The following PPFIA2 variants were observed in gnomAD, a reference collection of about 807,000 sequenced individuals.
PPFIA2 encodes the protein PPFI scaffold protein A2, also known as liprin-alpha-2.
A neutral mutation model predicts 175.5 loss-of-function variants in PPFIA2; 46 were observed. The observed-to-expected ratio is 0.26, with a 90% confidence interval of 0.21 to 0.34. PPFIA2 has a LOEUF of 0.34. PPFIA2 is among the 10% of genes least tolerant of loss of function. PPFIA2 has a pLI of 1.00. For missense variants in PPFIA2, 1,179 were observed against 1,506.1 expected (o/e 0.78, Z 3.60); for synonymous variants, 568 against 511.4 (o/e 1.11, Z -1.49).
In PPFIA2 at chr12:81,284,518, G is replaced by T. The variant is rs929329008; in HGVS notation, c.2926-215C>A. The T allele has an allele frequency of 6.8e-5, 36 of 529,942 alleles. No individual in the cohort carries two copies. In the Admixed American group the frequency reaches 8.1e-4, roughly 12 times the overall value. The allele number at this position is 529,942 out of a possible 1,614,324, so 32.8% of individuals were successfully genotyped here. ...TAACTAGAAAGAGGCATTCTGTGAA[G>T]CTCTTGGGGATGTAGATTTAAAATG... On this transcript the variant is annotated intron_variant, in intron 24 of 32. Coordinates refer to ENST00000549396, the MANE Select transcript of PPFIA2 (RefSeq NM_003625.5).
intron 4 of PPFIA2, among the ~76,000 whole-genome samples, chr12:81,605,882 A>G (rs888337333): frequency 6.6e-6 from 1 of 151,892 alleles, no homozygotes; most frequent in African/African-American, 2.4e-5. Flanking sequence ...TTCAGGGGGT[A>G]CATGTGCAGA....
intron 21 of PPFIA2, among the ~76,000 whole-genome samples, chr12:81,327,959 G>A (rs1414451312): frequency 6.6e-6 from 1 of 152,062 alleles, no homozygotes; most frequent in Non-Finnish European, 1.5e-5. Context: ...AAAATGCCAA[G>A]TACAAATGGG....
chr12:81,642,981 T>TCG (rs72372648), intron 4 of PPFIA2, among the ~76,000 whole-genome samples: 17 of 3,278 alleles, frequency 5.2e-3, no homozygotes, highest in Non-Finnish European at 0.012. Context: ...AAATTATATA[T>TCG]CTCTTATGTG....
intron 21 of PPFIA2, among the ~76,000 whole-genome samples, chr12:81,326,575 T>A (rs2054816953): frequency 6.6e-6 from 1 of 152,180 alleles, no homozygotes; most frequent in Non-Finnish European, 1.5e-5. Flanking sequence ...TCATAAGTTC[T>A]CATTTAGTGT....
chr12:81,304,168 C>A (rs2048565065), intron 22 of PPFIA2, among the ~76,000 whole-genome samples: 1 of 152,182 alleles, frequency 6.6e-6, no homozygotes, highest in Non-Finnish European at 1.5e-5. Context: ...CATACATAGG[C>A]CCCATAGTAC....
intron 18 of PPFIA2, among the ~76,000 whole-genome samples, chr12:81,346,447 TC>T (rs2059084346): frequency 6.6e-6 from 1 of 150,388 alleles, no homozygotes; most frequent in Admixed American, 6.7e-5. Flanking sequence ...AATCATATTT[TC>T]CAGAGGTTTT....
At chr12:81,368,074 G>T in intron 13 of PPFIA2, 2 of 1,266,224 alleles carry the variant, frequency 1.6e-6, no homozygotes, top group Non-Finnish European at 1.0e-6. Flanking sequence ...TTTCTAAAAT[G>T]ATGTGATCAT....
At chr12:81,477,707 A>G (rs2057657676) in intron 4 of PPFIA2, among the ~76,000 whole-genome samples, 1 of 152,152 alleles carries the variant, frequency 6.6e-6, no homozygotes, top group Non-Finnish European at 1.5e-5. Flanking sequence ...AATTACATTT[A>G]TTGATTTGCA....
intron 4 of PPFIA2, among the ~76,000 whole-genome samples, chr12:81,536,736 A>G (rs972992755): frequency 1.9e-5 from 2 of 103,848 alleles, no homozygotes; most frequent in Non-Finnish European, 3.8e-5. Flanking sequence ...ACAAATATAT[A>G]TACATAAACA....
chr12:81,437,480 G>A (rs756126515), intron 7 of PPFIA2, among the ~76,000 whole-genome samples: 4 of 152,032 alleles, frequency 2.6e-5, no homozygotes, highest in East Asian at 1.9e-4. Context: ...TGATCCACCC[G>A]CCTCGGCCTC....
chr12:81,379,824 T>G (rs2037238498), intron 9 of PPFIA2, among the ~76,000 whole-genome samples: 1 of 152,178 alleles, frequency 6.6e-6, no homozygotes, highest in Non-Finnish European at 1.5e-5. Context: ...GTGGAACATA[T>G]TTATAAATTA....
chr12:81,475,274 T>C (rs1404519695), intron 4 of PPFIA2, among the ~76,000 whole-genome samples: 1 of 152,164 alleles, frequency 6.6e-6, no homozygotes. Flanking sequence ...GGTAAAAGGA[T>C]CACATTTAGT....
At chr12:81,477,268 C>T (rs1442967821) in intron 4 of PPFIA2, among the ~76,000 whole-genome samples, 2 of 151,078 alleles carry the variant, frequency 1.3e-5, no homozygotes, top group Non-Finnish European at 3.0e-5. Context: ...AAAGACAAAA[C>T]CTCAGGATTG....
chr12:81,611,127 A>C (rs1221311445), intron 4 of PPFIA2, among the ~76,000 whole-genome samples: 1 of 152,056 alleles, frequency 6.6e-6, no homozygotes, highest in Non-Finnish European at 1.5e-5. Flanking sequence ...TGGCTCGCTC[A>C]CCATGTCTGC....
chr12:81,611,643 G>A lies in PPFIA2; in HGVS notation c.303+65148C>T, dbSNP rs568399557. Among the ~76,000 whole-genome samples, 57 of 152,044 alleles carry A rather than the reference G, an allele frequency of 3.7e-4. 1 individual carries two copies. The South Asian group carries it at 0.011, about 29-fold the overall frequency. On this transcript the variant is annotated intron_variant, in intron 4 of 32. Coordinates refer to ENST00000549396, the MANE Select transcript of PPFIA2 (RefSeq NM_003625.5). ...AGGGTTTGCAGAACAGATGTGCCCC[G>A]GTCACATCTGTTGCAAAGAAAGTTC...
At chr12:81,647,632 G>T (rs1407632198) in intron 4 of PPFIA2, among the ~76,000 whole-genome samples, 5 of 150,986 alleles carry the variant, frequency 3.3e-5, no homozygotes, top group African/African-American at 1.2e-4. Flanking sequence ...GTGGTGGCGG[G>T]TGCTTGTAGT....
chr12:81,632,828 A>G (rs1343802185), intron 4 of PPFIA2, among the ~76,000 whole-genome samples: 1 of 152,064 alleles, frequency 6.6e-6, no homozygotes, highest in Non-Finnish European at 1.5e-5. Flanking sequence ...GAGGGGATTT[A>G]CAAGGCCATG....
At chr12:81,371,579 C>A (rs1461184918) in intron 11 of PPFIA2, among the ~76,000 whole-genome samples, 2 of 150,962 alleles carry the variant, frequency 1.3e-5, no homozygotes, top group Non-Finnish European at 1.5e-5. Flanking sequence ...AAAAAACACA[C>A]AAAACACCAA....
intron 4 of PPFIA2, among the ~76,000 whole-genome samples, chr12:81,547,670 C>A (rs1403788546): frequency 6.6e-6 from 1 of 152,100 alleles, no homozygotes; most frequent in Non-Finnish European, 1.5e-5. Context: ...AGAGAAAAAA[C>A]AAAGATAACT....
Sources: gnomAD v4.1 joint callset for allele counts (sites outside exome capture counted in the v4.1 genomes callset) on GRCh38, gnomAD v4.1.1 for gene constraint, MANE v1.5 for transcripts, NCBI Gene and HGNC (gene_info 2026-07-23, HGNC 2026-07-21) for gene names.